CDK15: variants seen among roughly 807,000 people sequenced by gnomAD.
CDK15 encodes the protein cyclin-dependent kinase 15.
In CDK15, 62 loss-of-function variants were observed where a neutral mutation model predicts 60.3. The observed-to-expected ratio is 1.03, with a 90% confidence interval of 0.84 to 1.27. The LOEUF (loss-of-function observed/expected upper bound fraction) is 1.27. CDK15 is among the 50% of genes most tolerant of loss of function. CDK15 has a pLI of 0.00. For missense variants in CDK15, 541 were observed against 527.8 expected (o/e 1.03, Z -0.25); for synonymous variants, 194 against 195.7 (o/e 0.99, Z 0.07).
At position 201,825,077 on chromosome 2, in the gene CDK15, G is replaced by T. The variant is rs556755658; in HGVS notation, c.606+1350G>T. ...CGCCTGTAATCCCAGCCCTTTGGGAGGCCAGAGTGGGCAGATCATGAGGTC... is the reference window on the plus strand; with the variant it reads ...CGCCTGTAATCCCAGCCCTTTGGGATGCCAGAGTGGGCAGATCATGAGGTC... On this transcript the variant is annotated intron_variant, in intron 6 of 13. Transcript: ENST00000652192. Among the ~76,000 whole-genome samples the T allele has an allele frequency of 4.6e-5, 7 of 152,258 alleles. No individual in the cohort carries two copies. The South Asian group carries it at 1.5e-3, about 32-fold the overall frequency.
At chr2:201,856,404 TA>T (rs1698145977) in intron 10 of CDK15, among the ~76,000 whole-genome samples, 1 of 152,216 alleles carries the variant, frequency 6.6e-6, no homozygotes, top group African/African-American at 2.4e-5. Flanking sequence ...TATCTATTGC[TA>T]AAAGGCCTTA....
chr2:201,831,590 C>T (rs1696754691), intron 6 of CDK15, among the ~76,000 whole-genome samples: 2 of 152,128 alleles, frequency 1.3e-5, no homozygotes, highest in Admixed American at 1.3e-4. Flanking sequence ...TATAAAATAC[C>T]ATACCTTAAT....
intron 10 of CDK15, among the ~76,000 whole-genome samples, chr2:201,859,527 C>G (rs1262064640): frequency 6.6e-6 from 1 of 152,140 alleles, no homozygotes; most frequent in African/African-American, 2.4e-5. Context: ...GCAGAGAATA[C>G]CATTCTGGAT....
At chr2:201,823,326 A>G (rs1696312913) in intron 5 of CDK15, among the ~76,000 whole-genome samples, 2 of 152,204 alleles carry the variant, frequency 1.3e-5, no homozygotes, top group Admixed American at 1.3e-4. Flanking sequence ...TATTTAAATA[A>G]GTAGAAAGAA....
At chr2:201,807,984 A>G (rs1238488305) in intron 3 of CDK15, 32 bp downstream of exon 3, 3 of 1,566,200 alleles carry the variant, frequency 1.9e-6, no homozygotes, top group Admixed American at 1.7e-5. Flanking sequence ...GAGACTTTAG[A>G]GATGAGAGTC....
At chr2:201,816,277 C>T in intron 4 of CDK15, among the ~76,000 whole-genome samples, 1 of 152,054 alleles carries the variant, frequency 6.6e-6, no homozygotes, top group East Asian at 1.9e-4. Context: ...TTCCTCTCCC[C>T]TTTTGGAGTC....
chr2:201,863,125 C>G (rs1698463854), intron 10 of CDK15, among the ~76,000 whole-genome samples: 1 of 152,156 alleles, frequency 6.6e-6, no homozygotes, highest in African/African-American at 2.4e-5. Flanking sequence ...TCTTTATTAA[C>G]CCGTCCCCCA....
At chr2:201,859,593 T>C (rs896419659) in intron 10 of CDK15, among the ~76,000 whole-genome samples, 1 of 152,146 alleles carries the variant, frequency 6.6e-6, no homozygotes, top group African/African-American at 2.4e-5. Flanking sequence ...CCCCAAACTT[T>C]GAATTCAGCC....
At position 201,890,430 on chromosome 2, in the gene CDK15, C is replaced by T. The variant is rs185403335; in HGVS notation, c.1199-355C>T. Among the ~76,000 whole-genome samples the T allele has an allele frequency of 6.2e-4, 95 of 152,316 alleles. 1 individual carries two copies. Among genetic ancestry groups the T allele is most frequent in the Non-Finnish European group, 1.2e-3 (82 of 68,034 alleles). On this transcript the variant is annotated intron_variant, in intron 12 of 13. Coordinates refer to ENST00000652192, the MANE Select transcript of CDK15 (RefSeq NM_001366386.2). The stretch of plus-strand genomic sequence containing the variant: ...ACCTTGTCTATGCTCTGTTTGTGCT[C>T]CATAGACTTGGAGGGAGAGGTTATC...
chr2:201,827,111 A>G (rs1696542967), intron 6 of CDK15, among the ~76,000 whole-genome samples: 3 of 152,188 alleles, frequency 2.0e-5, no homozygotes, highest in Admixed American at 2.0e-4. Context: ...AGTCTGGGGA[A>G]ATATATTGGG....
At chr2:201,848,864 T>G (rs1697784648) in intron 9 of CDK15, among the ~76,000 whole-genome samples, 1 of 152,134 alleles carries the variant, frequency 6.6e-6, no homozygotes, top group Admixed American at 6.6e-5. Context: ...TTAAATTTTC[T>G]TCTAGAAACA....
At chr2:201,893,061 G>A (rs973648575) in intron 13 of CDK15, among the ~76,000 whole-genome samples, 1 of 152,192 alleles carries the variant, frequency 6.6e-6, no homozygotes, top group African/African-American at 2.4e-5. Flanking sequence ...TGAGCAGTTG[G>A]TGGTGGTGAG....
chr2:201,843,357 T>G (rs1697488393), intron 8 of CDK15, among the ~76,000 whole-genome samples: 1 of 152,004 alleles, frequency 6.6e-6, no homozygotes, highest in Non-Finnish European at 1.5e-5. Flanking sequence ...CGGCTAATTT[T>G]TGGATTTTTG....
intron 10 of CDK15, among the ~76,000 whole-genome samples, chr2:201,866,531 C>T (rs966068300): frequency 9.2e-5 from 14 of 152,098 alleles, no homozygotes; most frequent in African/African-American, 2.9e-4. Context: ...TTTCCTGCCT[C>T]GAATTCCAAT....
chr2:201,806,632 A>G lies in CDK15; in HGVS notation c.-33A>G. The G allele has an allele frequency of 6.4e-7, 1 of 1,552,986 alleles. No homozygotes were observed. Among genetic ancestry groups the G allele is most frequent in the Non-Finnish European group, 8.7e-7 (1 of 1,151,064 alleles). On this transcript the variant is annotated 5_prime_UTR_variant, in exon 1 of 14. Coordinates refer to ENST00000652192, the MANE Select transcript of CDK15 (RefSeq NM_001366386.2). ...AGGAGAGGCAGTGGGGGAAAGGTTC[A>G]AGTGCGGGTTTTCTCCTTGAACCTA... is the stretch of plus-strand genomic sequence containing the variant.
intron 3 of CDK15, among the ~76,000 whole-genome samples, chr2:201,809,859 A>T (rs966331887): frequency 6.6e-6 from 1 of 152,098 alleles, no homozygotes; most frequent in East Asian, 1.9e-4. Context: ...GCTGCCTTCC[A>T]CTGTTCATGC....
intron 6 of CDK15, among the ~76,000 whole-genome samples, chr2:201,824,130 G>A (rs944597850): frequency 1.3e-5 from 2 of 152,126 alleles, no homozygotes; most frequent in African/African-American, 4.8e-5. Context: ...ACTTGTACTA[G>A]CAGATCCTAT....
chr2:201,830,251 T>C (rs1412544120), intron 6 of CDK15, among the ~76,000 whole-genome samples: 1 of 152,082 alleles, frequency 6.6e-6, no homozygotes, highest in Admixed American at 6.5e-5. Context: ...AGAATATCAA[T>C]ATATTAGATT....
chr2:201,849,025 C>G (rs1697790989), intron 9 of CDK15, among the ~76,000 whole-genome samples: 1 of 152,192 alleles, frequency 6.6e-6, no homozygotes, highest in African/African-American at 2.4e-5. Context: ...ATAACATCAT[C>G]TAAGCTGGAG....
Sources: allele counts gnomAD v4.1 joint callset (sites outside exome capture counted in the v4.1 genomes callset), GRCh38; gene constraint gnomAD v4.1.1; transcripts MANE v1.5; gene names NCBI Gene and HGNC (gene_info 2026-07-23, HGNC 2026-07-21).